Variants in INPP4A observed in about 807,000 individuals in gnomAD.
The protein encoded by INPP4A is inositol polyphosphate-4-phosphatase type I A, also known as inositol polyphosphate-4-phosphatase, type I, 107kD.
INPP4A carries 33 observed loss-of-function variants against 119.8 expected under a neutral mutation model. That is an observed-to-expected ratio of 0.28 (90% CI 0.21 to 0.37). The LOEUF (loss-of-function observed/expected upper bound fraction) is 0.37, where lower values mean the gene tolerates loss of function less well. Among genes scored for constraint, INPP4A ranks in the 10% least tolerant of loss-of-function variants. INPP4A has a pLI of 1.00. For missense variants in INPP4A, 956 were observed against 1,289.9 expected (o/e 0.74, Z 3.97); for synonymous variants, 496 against 500.7 (o/e 0.99, Z 0.12).
chr2:98,446,491 G>C (rs1046332867), intron 1 of INPP4A, among the ~76,000 whole-genome samples: 1 of 152,142 alleles, frequency 6.6e-6, no homozygotes, highest in Non-Finnish European at 1.5e-5. Context: ...CGTTGCATGT[G>C]AACGGGCCTC....
intron 1 of INPP4A, among the ~76,000 whole-genome samples, chr2:98,473,478 G>A (rs1676576645): frequency 6.6e-6 from 1 of 151,906 alleles, no homozygotes; most frequent in Admixed American, 6.6e-5. Context: ...GGAGAGTGTT[G>A]AGGGCAGTGT....
chr2:98,497,163 C>T (rs931842551), intron 1 of INPP4A, among the ~76,000 whole-genome samples: 1 of 152,248 alleles, frequency 6.6e-6, no homozygotes, highest in South Asian at 2.1e-4. Flanking sequence ...CAAGCCTCAA[C>T]CTTGGCAGCT....
At chr2:98,504,659 A>G (rs556035552) in intron 1 of INPP4A, among the ~76,000 whole-genome samples, 18 of 152,258 alleles carry the variant, frequency 1.2e-4, no homozygotes, top group Non-Finnish European at 2.2e-4. Context: ...ATAGCCCTTT[A>G]TGGAATTTTG....
chr2:98,539,004 A>T, intron 9 of INPP4A, 23 bp downstream of exon 9: 2 of 1,482,056 alleles, frequency 1.3e-6, no homozygotes, highest in Non-Finnish European at 9.4e-7. Flanking sequence ...CTCCTTTGGT[A>T]TTCTTGCCTC....
At chr2:98,559,408 GT>G in intron 16 of INPP4A, 54 bp from the exon 17 acceptor site, 1 of 1,606,438 alleles carries the variant, frequency 6.2e-7, no homozygotes, top group Admixed American at 1.7e-5. Context: ...GAGTTGCTTG[GT>G]TTGAACTGTG....
chr2:98,506,493 C>T (rs565425686), intron 1 of INPP4A, among the ~76,000 whole-genome samples: 5 of 152,346 alleles, frequency 3.3e-5, no homozygotes, highest in East Asian at 3.9e-4. Flanking sequence ...TGTTGTTGCT[C>T]ACACTTATAT....
chr2:98,536,027 G>C, intron 6 of INPP4A, 102 bp from the exon 7 acceptor site: 3 of 766,158 alleles, frequency 3.9e-6, no homozygotes, highest in Non-Finnish European at 6.7e-6. Context: ...AAGGGTAAGA[G>C]GTGTTGTGGG....
chr2:98,503,146 A>T (rs958252696), intron 1 of INPP4A, among the ~76,000 whole-genome samples: 2 of 152,108 alleles, frequency 1.3e-5, no homozygotes, highest in African/African-American at 4.8e-5. Flanking sequence ...TGCTGGTGAG[A>T]AGGGATGCTC....
At position 98,554,307 on chromosome 2, in the gene INPP4A, C is replaced by T. The variant is rs1346453528; in HGVS notation, c.1384C>T (p.Leu462=). 6.2e-7 allele frequency: 1 copy of T among 1,611,606 alleles called. No individual in the cohort carries two copies. The highest frequency in any genetic ancestry group is 8.5e-7 in the Non-Finnish European group (1 of 1,179,102). ...GGTCACGGTCTGCGACTGCAAGCTC[C>T]TGGCCAACTCCATCCATGGGCTGAA... is the stretch of plus-strand genomic sequence containing the variant. The part of the protein sequence containing the change: ...QLVTVCDCKL[L]ANSIHGLNAA... Residue 462 remains leucine, a synonymous_variant, in exon 15 of 25, where the codon CTG becomes TTG. Transcript: ENST00000409851. This position sits in a 1 kb window ranked among gnomAD's most constrained non-coding sequence, Gnocchi z 4.7.
At chr2:98,485,423 C>T (rs1679341814) in intron 1 of INPP4A, among the ~76,000 whole-genome samples, 1 of 151,574 alleles carries the variant, frequency 6.6e-6, no homozygotes, top group Non-Finnish European at 1.5e-5. Flanking sequence ...GTGGGGTTTC[C>T]CTCTCTATAT....
At position 98,559,007 on chromosome 2, in the gene INPP4A, C is replaced by T. The variant is rs188755832; in HGVS notation, c.1823-456C>T. On this transcript the variant is annotated intron_variant, in intron 16 of 24. Transcript: ENST00000409851. ...AGTCGATCCTGAGCCCAGGCTTCCCCGGTGAATCAGAGCAGTGGGACTGAC... is the reference window on the plus strand; with the variant it reads ...AGTCGATCCTGAGCCCAGGCTTCCCTGGTGAATCAGAGCAGTGGGACTGAC... 7.9e-5 allele frequency among the ~76,000 whole-genome samples: 12 copies of T among 152,308 alleles called. No individual in the cohort carries two copies. In the South Asian group the frequency reaches 1.0e-3, roughly 13 times the overall value.
chr2:98,552,219 A>T (rs1693659397), intron 13 of INPP4A, among the ~76,000 whole-genome samples: 1 of 152,218 alleles, frequency 6.6e-6, no homozygotes, highest in South Asian at 2.1e-4. Flanking sequence ...AGGGAAAGGA[A>T]ACCCCATTTT....
intron 1 of INPP4A, among the ~76,000 whole-genome samples, chr2:98,501,231 C>T (rs920112239): frequency 7.2e-5 from 11 of 152,154 alleles, no homozygotes; most frequent in East Asian, 3.9e-4. Flanking sequence ...GCAGGAGAAT[C>T]GCTGAGGCAG....
intron 24 of INPP4A, among the ~76,000 whole-genome samples, chr2:98,580,973 C>T (rs1055676466): frequency 2.6e-5 from 4 of 152,184 alleles, no homozygotes; most frequent in Admixed American, 1.3e-4. Context: ...AAACAGCAGT[C>T]GCTCATGCCT....
At chr2:98,518,378 C>A (rs1015603366) in intron 1 of INPP4A, among the ~76,000 whole-genome samples, 5 of 152,334 alleles carry the variant, frequency 3.3e-5, no homozygotes, top group Non-Finnish European at 5.9e-5. Flanking sequence ...TCTGCTCTTG[C>A]GGTCATCTGA....
chr2:98,532,784 C>T (rs1346169463), intron 4 of INPP4A, among the ~76,000 whole-genome samples: 1 of 152,106 alleles, frequency 6.6e-6, no homozygotes, highest in African/African-American at 2.4e-5. Context: ...TTTTTCAGCT[C>T]CATTATAATC....
intron 9 of INPP4A, 102 bp from the exon 10 acceptor site, chr2:98,539,426 A>G (rs1690969453): frequency 7.9e-7 from 1 of 1,259,696 alleles, no homozygotes; most frequent in Admixed American, 2.2e-5. Context: ...CAGTGAGAGG[A>G]CTTGAGGTGT....
intron 1 of INPP4A, among the ~76,000 whole-genome samples, chr2:98,473,972 A>G (rs1274949059): frequency 6.6e-6 from 1 of 152,146 alleles, no homozygotes; most frequent in East Asian, 1.9e-4. Context: ...CACCTCTCCC[A>G]CTTTGCCTTC....
intron 1 of INPP4A, among the ~76,000 whole-genome samples, chr2:98,468,645 G>C (rs922794621): frequency 6.6e-6 from 1 of 152,104 alleles, no homozygotes; most frequent in East Asian, 1.9e-4. Context: ...CTGGTGGGTC[G>C]CATTTCTCAT....
Sources: allele counts gnomAD v4.1 joint callset (sites outside exome capture counted in the v4.1 genomes callset), GRCh38; gene constraint gnomAD v4.1.1; non-coding constraint Gnocchi (gnomAD v3.1); transcripts MANE v1.5; gene names NCBI Gene and HGNC (gene_info 2026-07-23, HGNC 2026-07-21).